Variants in PTBP3 observed in about 807,000 individuals in gnomAD.
PTBP3 encodes polypyrimidine tract binding protein 3, also known as polypyrimidine tract-binding protein 3.
A neutral mutation model predicts 58.7 loss-of-function variants in PTBP3; 20 were observed. The observed-to-expected ratio is 0.34, with a 90% CI of 0.24 to 0.50. PTBP3 has a LOEUF of 0.50. Among genes scored for constraint, PTBP3 ranks in the 20% least tolerant of loss-of-function variants. PTBP3 has a pLI of 0.98. For synonymous variants in PTBP3, 185 were observed against 219.8 expected (o/e 0.84, Z 1.40); for missense variants, 509 against 637.2 (o/e 0.80, Z 2.17).
chr9:112,268,034 A>G lies in PTBP3; in HGVS notation c.351+15T>C, dbSNP rs753631971. On this transcript the variant is annotated intron_variant, in intron 4 of 13. Coordinates refer to ENST00000374257, the MANE Select transcript of PTBP3 (RefSeq NM_001163788.4). ...TGTTCCCATACCTATTTTTAAAAAC[A>G]TCTTTAATACTTACAGCTTGATTAG... is the stretch of plus-strand genomic sequence containing the variant. 6.3e-7 allele frequency: 1 copy of G among 1,594,396 alleles called. No individual in the cohort carries two copies. Among genetic ancestry groups the G allele is most frequent in the Non-Finnish European group, 8.5e-7 (1 of 1,171,666 alleles).
At chr9:112,302,487 G>GAGA (rs1828979856) in intron 1 of PTBP3, among the ~76,000 whole-genome samples, 1 of 151,126 alleles carries the variant, frequency 6.6e-6, no homozygotes, top group African/African-American at 2.4e-5. Context: ...AGAGACACTT[G>GAGA]AGATTACCAG....
chr9:112,252,338 G>C (rs532288298), intron 6 of PTBP3: 1 of 290,190 alleles, frequency 3.4e-6, no homozygotes, highest in Admixed American at 5.1e-5. Flanking sequence ...GTTAGTACTT[G>C]GATGGGAGAA....
At chr9:112,295,537 G>C (rs1283224868) in intron 2 of PTBP3, among the ~76,000 whole-genome samples, 1 of 130,022 alleles carries the variant, frequency 7.7e-6, no homozygotes, top group Non-Finnish European at 1.6e-5. Context: ...CTATAATGAA[G>C]AACAGAAGAG....
chr9:112,246,535 T>C (rs1835884107), intron 7 of PTBP3, among the ~76,000 whole-genome samples: 2 of 151,138 alleles, frequency 1.3e-5, no homozygotes, highest in South Asian at 4.2e-4. Context: ...CTACTAAAAA[T>C]ACAAAAAATT....
intron 8 of PTBP3, among the ~76,000 whole-genome samples, chr9:112,233,503 T>C (rs2131990323): frequency 6.6e-6 from 1 of 152,240 alleles, no homozygotes; most frequent in South Asian, 2.1e-4. Context: ...TAAACTATGT[T>C]TTTAACACAA....
the PTBP3 span, among the ~76,000 whole-genome samples, chr9:112,343,312 G>T: frequency 5.3e-5 from 8 of 151,640 alleles, no homozygotes; most frequent in East Asian, 1.6e-3. Flanking sequence ...GGGTTCAAGT[G>T]ATTCTCCTGC....
intron 3 of PTBP3, among the ~76,000 whole-genome samples, chr9:112,270,512 A>G (rs544063518): frequency 3.9e-5 from 6 of 152,072 alleles, no homozygotes; most frequent in Non-Finnish European, 8.8e-5. Context: ...TAAACATACG[A>G]AGCATTTTTA....
At chr9:112,243,567 T>C (rs1473280805) in intron 7 of PTBP3, among the ~76,000 whole-genome samples, 1 of 152,076 alleles carries the variant, frequency 6.6e-6, no homozygotes, top group Non-Finnish European at 1.5e-5. Context: ...CCCCAGGGAT[T>C]AGAAGAAAGG....
At chr9:112,246,106 C>G (rs1208103716) in intron 7 of PTBP3, among the ~76,000 whole-genome samples, 3 of 151,900 alleles carry the variant, frequency 2.0e-5, no homozygotes, top group Non-Finnish European at 2.9e-5. Flanking sequence ...CCTCAGCCCC[C>G]CTAGTAGCTG....
the PTBP3 span, among the ~76,000 whole-genome samples, chr9:112,346,764 T>A: frequency 6.6e-6 from 1 of 152,218 alleles, no homozygotes; most frequent in Non-Finnish European, 1.5e-5. Context: ...AGTCTCTTGA[T>A]CTGTCACCCA....
chr9:112,256,264 A>C (rs1836344646), intron 5 of PTBP3, among the ~76,000 whole-genome samples: 1 of 127,046 alleles, frequency 7.9e-6, no homozygotes, highest in Non-Finnish European at 1.6e-5. Context: ...CAAAAAAAAA[A>C]AAAACAAAAT....
At chr9:112,304,830 G>T (rs529103369) in intron 1 of PTBP3, among the ~76,000 whole-genome samples, 4 of 151,644 alleles carry the variant, frequency 2.6e-5, no homozygotes, top group Non-Finnish European at 5.9e-5. Flanking sequence ...TTGCTATTTT[G>T]CCCAGGCTGC....
At position 112,220,428 on chromosome 9, in the gene PTBP3, G is replaced by A. The variant is rs1834768219; in HGVS notation, c.*3423C>T. ...AAATTGAGCAGAGGCATTCATAGGAGCCACTTCTCATCAACTAAAACAGAA... is the reference window on the plus strand; with the variant it reads ...AAATTGAGCAGAGGCATTCATAGGAACCACTTCTCATCAACTAAAACAGAA... On this transcript the variant is annotated 3_prime_UTR_variant, in exon 14 of 14. Transcript: ENST00000374257. 1 of 1,174,098 alleles carries A rather than the reference G, an allele frequency of 8.5e-7. No individual in the cohort carries two copies. The highest frequency in any genetic ancestry group is 6.1e-5 in the East Asian group (1 of 16,460). 72.7% of individuals were successfully genotyped at this position (1,174,098 alleles called of 1,614,324 possible).
At chr9:112,306,903 T>C (rs1829244947) in intron 1 of PTBP3, among the ~76,000 whole-genome samples, 1 of 152,152 alleles carries the variant, frequency 6.6e-6, no homozygotes, top group Admixed American at 6.5e-5. Context: ...TGTAGTTAAA[T>C]GAATGCAACA....
intron 3 of PTBP3, among the ~76,000 whole-genome samples, chr9:112,274,728 T>C (rs1827535482): frequency 6.6e-6 from 1 of 152,200 alleles, no homozygotes; most frequent in Admixed American, 6.5e-5. Flanking sequence ...TATTTTGGAC[T>C]AGCCTCCTGC....
intron 1 of PTBP3, among the ~76,000 whole-genome samples, chr9:112,332,185 T>C (rs183778505): frequency 4.6e-5 from 7 of 152,320 alleles, no homozygotes; most frequent in Admixed American, 3.9e-4. Context: ...GTTATAATTT[T>C]AAGAAATTTT....
the PTBP3 span, among the ~76,000 whole-genome samples, chr9:112,348,770 T>C: frequency 5.3e-5 from 8 of 152,286 alleles, no homozygotes; most frequent in Middle Eastern, 3.4e-3. Flanking sequence ...TTTCAAATCC[T>C]TTTTTCTGAG....
At position 112,246,226 on chromosome 9, in the gene PTBP3, A is replaced by G. The variant is rs182282814; in HGVS notation, c.802+4703T>C. ...TTGAACTCCCGACCTCAATTGATCC[A>G]CCCGCCTCGGCCTCCCAAAGTGCAG... On this transcript the variant is annotated intron_variant, in intron 7 of 13. Coordinates refer to ENST00000374257, the MANE Select transcript of PTBP3 (RefSeq NM_001163788.4). Among the ~76,000 whole-genome samples, 790 of 151,308 alleles carry G rather than the reference A, an allele frequency of 5.2e-3. 5 individuals carry two copies. Among genetic ancestry groups the G allele is most frequent in the Non-Finnish European group, 5.9e-3 (398 of 67,690 alleles).
intron 7 of PTBP3, among the ~76,000 whole-genome samples, chr9:112,236,373 G>C (rs2132004147): frequency 6.6e-6 from 1 of 152,166 alleles, no homozygotes; most frequent in African/African-American, 2.4e-5. Context: ...TGAGGAGTCT[G>C]AACAAAGCAG....
Sources: gnomAD v4.1 joint callset for allele counts (sites outside exome capture counted in the v4.1 genomes callset) on GRCh38, gnomAD v4.1.1 for gene constraint, MANE v1.5 for transcripts, NCBI Gene and HGNC (gene_info 2026-07-23, HGNC 2026-07-21) for gene names.